The following RBFOX1 variants were observed in gnomAD, a reference collection of about 807,000 sequenced individuals.
RBFOX1 encodes RNA binding protein fox-1 homolog 1.
In RBFOX1, 8 loss-of-function variants were observed where a neutral mutation model predicts 57.7. That is an observed-to-expected ratio of 0.14 (90% CI 0.08 to 0.25). RBFOX1 has a LOEUF of 0.25. Ranked by LOEUF, RBFOX1 falls within the 10% of genes least tolerant of loss-of-function variation. RBFOX1 has a pLI of 1.00. For missense variants in RBFOX1, 611 were observed against 548.5 expected (o/e 1.11, Z -1.14); for synonymous variants, 326 against 222.4 (o/e 1.47, Z -4.15).
chr16:5,421,690 T>C (rs1487398803), intron 1 of RBFOX1, among the ~76,000 whole-genome samples: 1 of 152,178 alleles, frequency 6.6e-6, no homozygotes, highest in Non-Finnish European at 1.5e-5. Flanking sequence ...AAAAAAGACA[T>C]TTGAGTGGCA....
intron 4 of RBFOX1, among the ~76,000 whole-genome samples, chr16:7,198,779 C>G (rs1326318887): frequency 6.6e-6 from 1 of 152,174 alleles, no homozygotes; most frequent in African/African-American, 2.4e-5. Flanking sequence ...TCTTACTGGG[C>G]CTCACCTCCC....
intron 3 of RBFOX1, among the ~76,000 whole-genome samples, chr16:6,928,560 A>G (rs1443546457): frequency 6.6e-6 from 1 of 152,120 alleles, no homozygotes; most frequent in Non-Finnish European, 1.5e-5. Context: ...TTGTTGGCCC[A>G]AGGAAATTAT....
At chr16:6,722,719 A>G (rs1474087814) in intron 3 of RBFOX1, among the ~76,000 whole-genome samples, 3 of 152,222 alleles carry the variant, frequency 2.0e-5, no homozygotes, top group African/African-American at 7.2e-5. Flanking sequence ...AATGATTTGT[A>G]GAAGCAGTCT....
intron 3 of RBFOX1, among the ~76,000 whole-genome samples, chr16:6,809,562 T>A (rs1479614741): frequency 2.0e-5 from 3 of 152,094 alleles, no homozygotes; most frequent in African/African-American, 7.2e-5. Flanking sequence ...TATATCCTAT[T>A]GTATATGAAG....
At chr16:7,096,262 A>T (rs2061677139) in intron 4 of RBFOX1, among the ~76,000 whole-genome samples, 1 of 152,300 alleles carries the variant, frequency 6.6e-6, no homozygotes, top group East Asian at 1.9e-4. Flanking sequence ...GTGGAGACTC[A>T]AAGGGGATAT....
chr16:6,716,181 A>T (rs2064782004), intron 3 of RBFOX1, among the ~76,000 whole-genome samples: 1 of 152,346 alleles, frequency 6.6e-6, no homozygotes, highest in South Asian at 2.1e-4. Flanking sequence ...AGAGGGTTAT[A>T]ATACCTTTCT....
rs536398688 is a variant in RBFOX1, at chr16:6,795,505, C to T, written c.-16+140855C>T. ...ATTGTTGGCTGCGCACGTTGGCTCA[C>T]GTCTGTAATCCCAGCACTTTGGGAG... is the stretch of plus-strand genomic sequence containing the variant. On this transcript the variant is annotated intron_variant, in intron 3 of 15. Transcript: ENST00000550418. Among the ~76,000 whole-genome samples, 21 of 152,190 alleles carry T rather than the reference C, an allele frequency of 1.4e-4. No individual in the cohort carries two copies. The East Asian group carries it at 1.5e-3, about 11-fold the overall frequency.
chr16:6,578,467 T>C (rs543119654), intron 2 of RBFOX1, among the ~76,000 whole-genome samples: 7 of 152,182 alleles, frequency 4.6e-5, no homozygotes, highest in Non-Finnish European at 8.8e-5. Flanking sequence ...CTCTGGGTAT[T>C]TGGGAGAAAT....
intron 3 of RBFOX1, among the ~76,000 whole-genome samples, chr16:5,694,633 G>C (rs138211094): frequency 8.5e-5 from 13 of 152,198 alleles, no homozygotes; most frequent in African/African-American, 3.1e-4. Flanking sequence ...GCCTGATGCA[G>C]TCCTTCCTGA....
chr16:6,480,944 C>T (rs1037336573), intron 2 of RBFOX1, among the ~76,000 whole-genome samples: 1 of 152,118 alleles, frequency 6.6e-6, no homozygotes, highest in Admixed American at 6.5e-5. Flanking sequence ...GGTATTTAGT[C>T]TGTTGCCTCC....
At chr16:6,664,508 A>G (rs1320080224) in intron 3 of RBFOX1, among the ~76,000 whole-genome samples, 4 of 152,302 alleles carry the variant, frequency 2.6e-5, no homozygotes, top group African/African-American at 9.6e-5. Flanking sequence ...TCTTGGTAGG[A>G]TGTGATACAT....
At position 5,619,136 on chromosome 16, in the gene RBFOX1, A is replaced by C. The variant is rs550878423; in HGVS notation, c.318+20175A>C. ...ACATGGGAAAATTGTCCATTTTACA[A>C]GACGTGCAAAGGGGTTACCTGTGAG... is the stretch of plus-strand genomic sequence containing the variant. On this transcript the variant is annotated intron_variant, in intron 3 of 19. Coordinates refer to the RBFOX1 transcript ENST00000641259. Among the ~76,000 whole-genome samples the C allele has an allele frequency of 2.0e-5, 3 of 152,344 alleles. No individual in the cohort carries two copies. In the South Asian group the frequency reaches 6.2e-4, roughly 32 times the overall value.
chr16:6,138,286 G>T (rs189821025), intron 1 of RBFOX1, among the ~76,000 whole-genome samples: 2 of 152,174 alleles, frequency 1.3e-5, no homozygotes, highest in South Asian at 4.1e-4. Context: ...GAACAAGGGG[G>T]CCCCATGTTT....
chr16:6,860,408 C>A (rs561508075), intron 3 of RBFOX1, among the ~76,000 whole-genome samples: 3 of 152,174 alleles, frequency 2.0e-5, no homozygotes, highest in African/African-American at 4.8e-5. Context: ...GCAAGTCTTA[C>A]AAAACACTAC....
chr16:5,344,214 G>T (rs115284086), intron 1 of RBFOX1, among the ~76,000 whole-genome samples: 1,523 of 152,254 alleles, frequency 0.01, 25 homozygotes, highest in African/African-American at 0.034. Context: ...CTGTTGAGCT[G>T]TTGGCCTCTT....
intron 4 of RBFOX1, among the ~76,000 whole-genome samples, chr16:7,173,325 T>G (rs1388895667): frequency 6.6e-6 from 1 of 152,190 alleles, no homozygotes; most frequent in African/African-American, 2.4e-5. Context: ...TAGCTGGAGC[T>G]CAGTGCCACC....
intron 4 of RBFOX1, among the ~76,000 whole-genome samples, chr16:7,092,541 A>G (rs1272717693): frequency 1.3e-5 from 2 of 152,158 alleles, no homozygotes; most frequent in Admixed American, 6.5e-5. Context: ...TATTTAACCA[A>G]TTCTTTGATT....
rs543402874 is a variant in RBFOX1 at position 6,161,571 on chromosome 16, G to C, written c.-127+141579G>C. Among the ~76,000 whole-genome samples, 11 of 152,222 alleles carry C rather than the reference G, an allele frequency of 7.2e-5. No homozygotes were observed. The South Asian group carries it at 2.1e-3, about 29-fold the overall frequency. ...CCAAACATAAACACTCAGGAAATAT[G>C]TCTGGAAAGGAATTGCATGGCATCT... On this transcript the variant is annotated intron_variant, in intron 1 of 15. Coordinates refer to ENST00000550418, the MANE Select transcript of RBFOX1 (RefSeq NM_018723.4).
At chr16:7,519,498 A>T (rs750314096) in intron 5 of RBFOX1, among the ~76,000 whole-genome samples, 1 of 152,226 alleles carries the variant, frequency 6.6e-6, no homozygotes, top group African/African-American at 2.4e-5. Context: ...TTTTATCATC[A>T]CTGTAAATGA....
Sources: gnomAD v4.1 joint callset for allele counts (sites outside exome capture counted in the v4.1 genomes callset) on GRCh38, gnomAD v4.1.1 for gene constraint, MANE v1.5 for transcripts, NCBI Gene and HGNC (gene_info 2026-07-23, HGNC 2026-07-21) for gene names.